The following VARS1 variants were observed in gnomAD, a reference collection of about 807,000 sequenced individuals.
VARS1 encodes valine--tRNA ligase.
Under a neutral mutation model 161.0 loss-of-function variants are expected in VARS1, and 92 were observed. The observed-to-expected ratio is 0.57, with a 90% CI of 0.48 to 0.68. The LOEUF (loss-of-function observed/expected upper bound fraction) is 0.68. Among genes scored for constraint, VARS1 ranks in the 30% least tolerant of loss-of-function variants. The probability of loss-of-function intolerance (pLI) is 0.00; values close to 1 mark genes in which losing one functional copy is unlikely to be tolerated. For missense variants in VARS1, 1,338 were observed against 1,695.9 expected (o/e 0.79, Z 3.71); for synonymous variants, 595 against 682.5 (o/e 0.87, Z 2.00).
Position 31,780,684 on chromosome 6 carries a change from G to A in VARS1, c.2797+21C>T. ...CAGAAGGAGGAAGGAGTGGCTGGGA[G>A]GGACGCTTTGGGGGCCATACCCTGG... On this transcript the variant is annotated intron_variant, in intron 24 of 29. Transcript: ENST00000375663. This position sits in a 1 kb window ranked among gnomAD's most constrained non-coding sequence, Gnocchi z 5.1. 1 of 1,614,092 alleles carries A rather than the reference G, an allele frequency of 6.2e-7. No homozygotes were observed. The highest frequency in any genetic ancestry group is 1.1e-5 in the South Asian group (1 of 91,082).
chr6:31,780,561 G>T lies in VARS1; in HGVS notation c.2805C>A (p.Asp935Glu). Residue 935 changes from aspartate (D) to glutamate (E), a missense_variant, in exon 25 of 30, where the codon GAC becomes GAA. Asp to Glu is a conservative substitution (Grantham distance 45). Around this residue, in one of 3 missense-constraint regions of VARS1, gnomAD observed 433 missense variants for 586.2 expected, o/e 0.74. Transcript: ENST00000375663. This position sits in a 1 kb window ranked among gnomAD's most constrained non-coding sequence, Gnocchi z 5.1. ...GLCAYMSQGR[D>E]INLDVNRILG... ...GTATCCGGTTCACATCCAGGTTGATGTCACGACCTGGGTCGGGGGTGAGAT... is the reference window on the plus strand; with the variant it reads ...GTATCCGGTTCACATCCAGGTTGATTTCACGACCTGGGTCGGGGGTGAGAT... 1 of 1,613,708 alleles carries T rather than the reference G, an allele frequency of 6.2e-7. No homozygotes were observed. The highest frequency in any genetic ancestry group is 1.1e-5 in the South Asian group (1 of 91,026).
Position 31,779,917 on chromosome 6 carries a change from G to A in VARS1, c.3081+81C>T. The A allele has an allele frequency of 6.2e-7, 1 of 1,602,938 alleles. No homozygotes were observed. The stretch of plus-strand genomic sequence containing the variant: ...GGGATGGGTTGGCTTAGGTCTCAAG[G>A]CCAACTCTGGCAAAACTGAGCCCAG... On this transcript the variant is annotated intron_variant, in intron 26 of 29. Transcript: ENST00000375663. The surrounding 1 kb of genome is among the most constrained non-coding windows in gnomAD (Gnocchi z 9.1).
In VARS1 at chr6:31,783,101, C is replaced by T; in HGVS notation, c.1757G>A (p.Gly586Asp). The part of the protein sequence containing the change: ...VFDEFVDMDF[G>D]TGAVKITPAH... ...AGGACCAGCCCCTTGCCCACCTGTG[C>T]CAAAGTCCATGTCCACAAATTCATC... Residue 586 changes from glycine (G) to aspartate (D), a missense_variant, in exon 14 of 30, where the codon GGC becomes GAC. Physicochemically the swap from Gly to Asp is moderately conservative, Grantham distance 94 (BLOSUM62 -1). Transcript: ENST00000375663. 6.2e-7 allele frequency: 1 copy of T among 1,612,468 alleles called. No homozygotes were observed. Among genetic ancestry groups the T allele is most frequent in the Non-Finnish European group, 8.5e-7 (1 of 1,179,804 alleles).
chr6:31,780,233 C>A lies in VARS1; in HGVS notation c.2926-80G>T. The A allele has an allele frequency of 6.3e-7, 1 of 1,582,094 alleles. No individual in the cohort carries two copies. On this transcript the variant is annotated intron_variant, in intron 25 of 29. Coordinates refer to ENST00000375663, the MANE Select transcript of VARS1 (RefSeq NM_006295.3). This position sits in a 1 kb window ranked among gnomAD's most constrained non-coding sequence, Gnocchi z 5.1. ...ATGGGGGCAGGAGTCATGGGCAAAT[C>A]TTCATCCAGAGTCTGATGAGTCCAA... is the stretch of plus-strand genomic sequence containing the variant.
chr6:31,792,484 C>T lies in VARS1; in HGVS notation c.694G>A (p.Ala232Thr). Residue 232 changes from alanine to threonine, a missense_variant, in exon 5 of 30, where the codon GCT becomes ACT. By Grantham distance (58) the Ala-to-Thr change is moderately conservative (BLOSUM62 0). Around this residue, in one of 3 missense-constraint regions of VARS1, gnomAD observed 902 missense variants for 1,090.3 expected, o/e 0.83. Coordinates refer to ENST00000375663, the MANE Select transcript of VARS1 (RefSeq NM_006295.3). ...PEAPALPKTA[A>T]QLKKEAKKRE... ...TTCTTTGCCTCTTTCTTGAGCTGAGCAGCTGTCTTTGGGAGGGCAGGAGCC... is the reference window on the plus strand; with the variant it reads ...TTCTTTGCCTCTTTCTTGAGCTGAGTAGCTGTCTTTGGGAGGGCAGGAGCC... 17 of 1,613,862 alleles carry T rather than the reference C, an allele frequency of 1.1e-5. No individual in the cohort carries two copies. Among genetic ancestry groups the T allele is most frequent in the Non-Finnish European group, 1.4e-5 (17 of 1,179,952 alleles).
At position 31,790,418 on chromosome 6, in the gene VARS1, A is replaced by G. The variant is rs535415487; in HGVS notation, c.1100+1192T>C. Among the ~76,000 whole-genome samples, 294 of 152,184 alleles carry G rather than the reference A, an allele frequency of 1.9e-3. 2 individuals carry two copies. The highest frequency in any genetic ancestry group is 0.01 in the Middle Eastern group (3 of 294). ...GGAGTTTGAGACCAGCCTGGCCAAC[A>G]TGGTGAAACCCCATCTCTACTAAAA... On this transcript the variant is annotated intron_variant, in intron 8 of 29. Coordinates refer to ENST00000375663, the MANE Select transcript of VARS1 (RefSeq NM_006295.3).
In VARS1 at chr6:31,782,758, G is replaced by A. The variant is rs1188990566; in HGVS notation, c.1850C>T (p.Ser617Phe). Reference protein sequence around the residue: ...HGLEAISIMDSRGALINVPPP... With the variant: ...HGLEAISIMDFRGALINVPPP... ...AGGCACATTGATGAGGGCCCCCCGG[G>A]AGTCCATGATGCTGATGGCCTCCAG... The change falls in exon 15 of 30, where the codon TCC (serine) becomes TTC (phenylalanine). Residue 617 changes from serine to phenylalanine, a missense_variant. Ser to Phe is a radical substitution (Grantham distance 155). Transcript: ENST00000375663. The surrounding 1 kb of genome is among the most constrained non-coding windows in gnomAD (Gnocchi z 8.3). 5 of 1,612,940 alleles carry A rather than the reference G, an allele frequency of 3.1e-6. No individual in the cohort carries two copies. In the Admixed American group the frequency reaches 5.0e-5, roughly 16 times the overall value.
rs1443923062 is a variant in VARS1, at chr6:31,785,486, A to C, written c.1265+83T>G. On this transcript the variant is annotated intron_variant, in intron 9 of 29. Transcript: ENST00000375663. The surrounding 1 kb of genome is among the most constrained non-coding windows in gnomAD (Gnocchi z 6.1). ...TGTGGGAGGGTCTGACCCTGTGGCC[A>C]AGGGGTTACAGGTGACAGAGGTCTT... The C allele has an allele frequency of 6.6e-7, 1 of 1,522,628 alleles. No homozygotes were observed. Among genetic ancestry groups the C allele is most frequent in the African/African-American group, 1.4e-5 (1 of 73,076 alleles). 94.3% of individuals were successfully genotyped at this position (1,522,628 alleles called of 1,614,324 possible).
In VARS1 at chr6:31,785,316, C is replaced by T. The variant is rs141442235; in HGVS notation, c.1277G>A (p.Arg426Gln). 1.7e-4 allele frequency: 272 copies of T among 1,613,060 alleles called. 2 individuals carry two copies. The African/African-American group carries it at 3.3e-3, about 20-fold the overall frequency. ...VWKWKEEKGD[R>Q]IYHQLKKLGS... is the part of the protein sequence containing the mutation. ...AAGCTTCTTCAACTGGTGGTAAATC[C>T]GGTCACCTTTCCTGGAAGCAGACAG... Residue 426 changes from arginine to glutamine, a missense_variant, in exon 10 of 30, where the codon CGG becomes CAG. Physicochemically the swap from Arg to Gln is conservative, Grantham distance 43. Transcript: ENST00000375663. This position sits in a 1 kb window ranked among gnomAD's most constrained non-coding sequence, Gnocchi z 6.1.
chr6:31,784,384 T>C lies in VARS1; in HGVS notation c.1576+10A>G. The C allele has an allele frequency of 1.9e-6, 3 of 1,614,142 alleles. No homozygotes were observed. Among genetic ancestry groups the C allele is most frequent in the Middle Eastern group, 3.3e-4 (2 of 6,062 alleles). On this transcript the variant is annotated intron_variant, in intron 12 of 29. Transcript: ENST00000375663. This position sits in a 1 kb window ranked among gnomAD's most constrained non-coding sequence, Gnocchi z 6.1. ...TCCCAGCCCAGGATCCTGGTGCCCC[T>C]GGCTCCTACCTGAGCCTTGGACCTT...
rs1330904408 is a variant in VARS1, at chr6:31,781,337, G to A, written c.2544+144C>T. 7.4e-7 allele frequency: 1 copy of A among 1,347,966 alleles called. No individual in the cohort carries two copies. The highest frequency in any genetic ancestry group is 1.0e-6 in the Non-Finnish European group (1 of 997,828). 83.5% of individuals were successfully genotyped at this position (1,347,966 alleles called of 1,614,324 possible). A position where few individuals can be genotyped will look rare whatever the true frequency, so the allele number is the denominator to read the frequency against. On this transcript the variant is annotated intron_variant, in intron 21 of 29. Coordinates refer to ENST00000375663, the MANE Select transcript of VARS1 (RefSeq NM_006295.3). This position sits in a 1 kb window ranked among gnomAD's most constrained non-coding sequence, Gnocchi z 6.8. ...ACAGGAATCACTGAGCAGGGCCCAG[G>A]CTGGATTTCAACCCCACACCAGCCC...
rs1351046240 is a variant in VARS1 at position 31,780,306 on chromosome 6, C to T, written c.2925+135G>A. The stretch of plus-strand genomic sequence containing the variant: ...TCTGGGAAGAAGTGACAGGCCCCAG[C>T]CCCCAATGCGCTGGGCTTTCCCTTT... On this transcript the variant is annotated intron_variant, in intron 25 of 29. Coordinates refer to ENST00000375663, the MANE Select transcript of VARS1 (RefSeq NM_006295.3). The surrounding 1 kb of genome is among the most constrained non-coding windows in gnomAD (Gnocchi z 5.1). 3.3e-6 allele frequency: 5 copies of T among 1,515,846 alleles called. No homozygotes were observed. The Admixed American group carries it at 6.2e-5, about 19-fold the overall frequency. The allele number at this position is 1,515,846 out of a possible 1,614,324, so 93.9% of individuals were successfully genotyped here.
chr6:31,783,250 A>T, intron 13 of VARS1, 64 bp from the exon 14 acceptor site: 2 of 1,548,714 alleles, frequency 1.3e-6, no homozygotes, highest in East Asian at 4.6e-5. Flanking sequence ...CCCACCTGTA[A>T]TCCCAGAACT....
In VARS1 at chr6:31,779,489, T is replaced by C; in HGVS notation, c.3336A>G (p.Leu1112=). The C allele has an allele frequency of 6.2e-7, 1 of 1,612,734 alleles. No homozygotes were observed. The highest frequency in any genetic ancestry group is 8.5e-7 in the Non-Finnish European group (1 of 1,179,976). The change falls in exon 28 of 30, where the codon CTA becomes CTG. Residue 1112 remains leucine, a synonymous_variant. Coordinates refer to ENST00000375663, the MANE Select transcript of VARS1 (RefSeq NM_006295.3). The surrounding 1 kb of genome is among the most constrained non-coding windows in gnomAD (Gnocchi z 9.1). ...GGGAGCGCACGGCTCGCGTGATGCT[T>C]AGCGCCAGCTCAAGGGCGGCTTCTG... is the stretch of plus-strand genomic sequence containing the variant. The part of the protein sequence containing the change: ...PEAEAALELA[L]SITRAVRSLR...
chr6:31,792,773 AGGC>A lies in VARS1; in HGVS notation c.642_644del (p.Arg214_Pro215delinsSer). 6.2e-7 allele frequency: 1 copy of A among 1,614,174 alleles called. No individual in the cohort carries two copies. Among genetic ancestry groups the A allele is most frequent in the Non-Finnish European group, 8.5e-7 (1 of 1,180,024 alleles). ...CTTCCTCACCTGGCTGATGAGAGAG[AGGC>A]CTGGCTCCTGAGTATAGAACCACTT... On this transcript the variant is annotated inframe_deletion, in exon 4 of 30. Transcript: ENST00000375663.
rs1813868975 is a variant in VARS1 at position 31,791,546 on chromosome 6, C to G, written c.1100+64G>C. ...GAAGGAGAGAGGCTCGGGGGGCTGTCAGGGAAAAGGAGAGAGCCAGACTAG... is the reference window on the plus strand; with the variant it reads ...GAAGGAGAGAGGCTCGGGGGGCTGTGAGGGAAAAGGAGAGAGCCAGACTAG... On this transcript the variant is annotated intron_variant, in intron 8 of 29. Coordinates refer to ENST00000375663, the MANE Select transcript of VARS1 (RefSeq NM_006295.3). The surrounding 1 kb of genome is among the most constrained non-coding windows in gnomAD (Gnocchi z 5.0). 8 of 1,539,286 alleles carry G rather than the reference C, an allele frequency of 5.2e-6. No homozygotes were observed. The highest frequency in any genetic ancestry group is 3.8e-5 in the South Asian group (3 of 78,676).
intron 8 of VARS1, among the ~76,000 whole-genome samples, chr6:31,790,602 CAAAAAAAAAAA>C (rs9279419): frequency 3.2e-4 from 14 of 43,386 alleles, no homozygotes; most frequent in South Asian, 1.4e-3. Flanking sequence ...AACTCTGTCT[CAAAAAAAAAAA>C]AAAAAAAAAA....
intron 8 of VARS1, among the ~76,000 whole-genome samples, chr6:31,786,500 C>T (rs9405087): frequency 1.1e-4 from 17 of 151,522 alleles, no homozygotes; most frequent in Non-Finnish European, 8.8e-5. Context: ...GACCCTGTCT[C>T]TACCAAAAAT....
In VARS1 at chr6:31,779,410, G is replaced by C. The variant is rs1812973574; in HGVS notation, c.3400+15C>G. 6.2e-7 allele frequency: 1 copy of C among 1,609,740 alleles called. No homozygotes were observed. The highest frequency in any genetic ancestry group is 1.3e-5 in the African/African-American group (1 of 74,942). On this transcript the variant is annotated intron_variant, in intron 28 of 29. Transcript: ENST00000375663. This position sits in a 1 kb window ranked among gnomAD's most constrained non-coding sequence, Gnocchi z 9.1. ...GGACAGTGGGATGGGGCGGACATGG[G>C]GGCCTGAGGCTCACAGTCAGGCCGG...
Sources: allele counts gnomAD v4.1 joint callset (sites outside exome capture counted in the v4.1 genomes callset), GRCh38; gene constraint gnomAD v4.1.1; regional missense constraint gnomAD v4.1.1; non-coding constraint Gnocchi (gnomAD v3.1); transcripts MANE v1.5; gene names NCBI Gene and HGNC (gene_info 2026-07-23, HGNC 2026-07-21).